The following ATXN1 variants were observed in gnomAD, a reference collection of about 807,000 sequenced individuals.
The protein encoded by ATXN1 is ataxin 1.
ATXN1 carries 8 observed loss-of-function variants against 56.4 expected under a neutral mutation model. The observed-to-expected ratio is 0.14, with a 90% CI of 0.08 to 0.26. The LOEUF (loss-of-function observed/expected upper bound fraction) is 0.26. Among genes scored for constraint, ATXN1 ranks in the 10% least tolerant of loss-of-function variants. ATXN1 has a pLI of 1.00. For missense variants in ATXN1, 987 were observed against 1,106.5 expected, an observed-to-expected ratio of 0.89 and a Z score of 1.53; for synonymous variants, 514 against 494.6, an observed-to-expected ratio of 1.04 and a Z score of -0.52.
chr6:16,352,775 T>G (rs1275799029), intron 6 of ATXN1, among the ~76,000 whole-genome samples: 1 of 152,200 alleles, frequency 6.6e-6, no homozygotes, highest in African/African-American at 2.4e-5. Context: ...CTATGTTTTT[T>G]TCCTATATAT....
In ATXN1 at chr6:16,717,378, A is replaced by G. The variant is rs1290492588; in HGVS notation, c.-615+35855T>C. 2.0e-5 allele frequency among the ~76,000 whole-genome samples: 3 copies of G among 152,218 alleles called. No individual in the cohort carries two copies. The East Asian group carries it at 5.8e-4, about 29-fold the overall frequency. Reference sequence around the variant, plus strand: ...CCTGAGATGAACAGAGAGGCAGGCTATGTTTGCTTGGTGCCACTTAACAGT... The same window carrying G: ...CCTGAGATGAACAGAGAGGCAGGCTGTGTTTGCTTGGTGCCACTTAACAGT... On this transcript the variant is annotated intron_variant, in intron 2 of 7. Coordinates refer to ENST00000436367, the MANE Select transcript of ATXN1 (RefSeq NM_001128164.2).
At chr6:16,441,306 C>T (rs1040221030) in intron 6 of ATXN1, among the ~76,000 whole-genome samples, 4 of 151,970 alleles carry the variant, frequency 2.6e-5, no homozygotes, top group Admixed American at 6.6e-5. Context: ...GCAGAGAAGA[C>T]GAAGCTAAGA....
intron 5 of ATXN1, among the ~76,000 whole-genome samples, chr6:16,513,094 G>A (rs1386715869): frequency 2.6e-5 from 4 of 152,216 alleles, no homozygotes; most frequent in African/African-American, 4.8e-5. Context: ...TTTGGGGCAC[G>A]CAGAATCCCT....
intron 4 of ATXN1, among the ~76,000 whole-genome samples, chr6:16,561,316 CA>C (rs1278283904): frequency 7.9e-5 from 12 of 152,230 alleles, no homozygotes; most frequent in African/African-American, 2.9e-4. Flanking sequence ...GTGCACTGAG[CA>C]ATGATAATAT....
In ATXN1 at chr6:16,450,908, G is replaced by A. The variant is rs6909736; in HGVS notation, c.-161+35064C>T. On this transcript the variant is annotated intron_variant, in intron 6 of 7. Coordinates refer to ENST00000436367, the MANE Select transcript of ATXN1 (RefSeq NM_001128164.2). Reference sequence around the variant, plus strand: ...CTCACTTTAGTGGTTATCTGTGAACGCACCTGATCCATGAGGATTAAAAGG... The same window carrying A: ...CTCACTTTAGTGGTTATCTGTGAACACACCTGATCCATGAGGATTAAAAGG... 4.4e-3 allele frequency among the ~76,000 whole-genome samples: 669 copies of A among 152,246 alleles called. 1 individual carries two copies. The highest frequency in any genetic ancestry group is 0.027 in the Middle Eastern group (8 of 294).
chr6:16,437,593 A>G (rs939096135), intron 6 of ATXN1, among the ~76,000 whole-genome samples: 1 of 152,254 alleles, frequency 6.6e-6, no homozygotes, highest in Admixed American at 6.5e-5. Context: ...TACAGAACTG[A>G]TAAGACTCCC....
chr6:16,390,680 T>TAACA, intron 6 of ATXN1, among the ~76,000 whole-genome samples: 1 of 147,158 alleles, frequency 6.8e-6, no homozygotes, highest in Non-Finnish European at 1.5e-5. Flanking sequence ...AATAAACACA[T>TAACA]CACACACACA....
At chr6:16,541,845 C>T (rs1056189767) in intron 4 of ATXN1, among the ~76,000 whole-genome samples, 16 of 152,112 alleles carry the variant, frequency 1.1e-4, no homozygotes, top group Admixed American at 5.9e-4. Flanking sequence ...GTCAAAGCTA[C>T]GCAGTGGCAC....
intron 5 of ATXN1, among the ~76,000 whole-genome samples, chr6:16,494,765 C>T (rs751037519): frequency 6.6e-6 from 1 of 152,196 alleles, no homozygotes; most frequent in African/African-American, 2.4e-5. Context: ...TGTAGAACGA[C>T]GTCTCAGGAA....
chr6:16,515,435 C>T (rs530078533), intron 5 of ATXN1, among the ~76,000 whole-genome samples: 1 of 152,160 alleles, frequency 6.6e-6, no homozygotes, highest in Non-Finnish European at 1.5e-5. Flanking sequence ...ACCCCCAAAC[C>T]ACAAACCAAC....
intron 2 of ATXN1, among the ~76,000 whole-genome samples, chr6:16,660,831 G>GTTT (rs1491535308): frequency 7.6e-6 from 1 of 131,196 alleles, no homozygotes; most frequent in African/African-American, 3.1e-5. Context: ...ATTTTGTTTT[G>GTTT]GTTTTTTTTT....
intron 4 of ATXN1, among the ~76,000 whole-genome samples, chr6:16,565,896 C>T (rs1371387882): frequency 6.6e-6 from 1 of 152,148 alleles, no homozygotes; most frequent in Non-Finnish European, 1.5e-5. Flanking sequence ...GAGGAAAGCA[C>T]ATCCGGCAAG....
At chr6:16,427,736 C>T (rs1759187421) in intron 6 of ATXN1, among the ~76,000 whole-genome samples, 1 of 152,204 alleles carries the variant, frequency 6.6e-6, no homozygotes, top group Non-Finnish European at 1.5e-5. Flanking sequence ...GGCTTTCATT[C>T]AGCTTCTATA....
chr6:16,694,270 AGAGAC>A (rs1759112386), intron 2 of ATXN1, among the ~76,000 whole-genome samples: 2 of 141,248 alleles, frequency 1.4e-5, no homozygotes, highest in Non-Finnish European at 3.0e-5. Context: ...TTTTTTTTTA[AGAGAC>A]GGAGTCTCGC....
intron 2 of ATXN1, among the ~76,000 whole-genome samples, chr6:16,704,333 C>G (rs1471323994): frequency 2.1e-5 from 3 of 146,024 alleles, no homozygotes; most frequent in Non-Finnish European, 4.5e-5. Flanking sequence ...AACCCCCTTT[C>G]CCCCCAAGAT....
At chr6:16,590,033 T>C (rs779913494) in intron 3 of ATXN1, among the ~76,000 whole-genome samples, 1 of 152,204 alleles carries the variant, frequency 6.6e-6, no homozygotes, top group Non-Finnish European at 1.5e-5. Context: ...ATTCAAGTGC[T>C]GTAAACATTG....
rs1198384674 is a variant in ATXN1 at position 16,692,695 on chromosome 6, C to T, written c.-614-34794G>A. 2.0e-5 allele frequency among the ~76,000 whole-genome samples: 3 copies of T among 152,140 alleles called. No homozygotes were observed. The East Asian group carries it at 5.8e-4, about 29-fold the overall frequency. On this transcript the variant is annotated intron_variant, in intron 2 of 7. Coordinates refer to ENST00000436367, the MANE Select transcript of ATXN1 (RefSeq NM_001128164.2). The stretch of plus-strand genomic sequence containing the variant: ...GCAACCACTTTCTAAAACATGAAGG[C>T]TAAGGAATAAGCAGTGTGCTGGGCA...
intron 6 of ATXN1, among the ~76,000 whole-genome samples, chr6:16,454,634 T>C (rs919011980): frequency 6.6e-6 from 1 of 152,246 alleles, no homozygotes; most frequent in African/African-American, 2.4e-5. Flanking sequence ...AATTGTATTA[T>C]ACAGAGACTG....
In ATXN1 at chr6:16,328,331, C is replaced by A; in HGVS notation, c.-21G>T. On this transcript the variant is annotated 5_prime_UTR_variant, in exon 7 of 8. Transcript: ENST00000436367. This position sits in a 1 kb window ranked among gnomAD's most constrained non-coding sequence, Gnocchi z 6.2. ...TTCATTTTTCGCCGTCCCCCCTCCA[C>A]GGTGACTGTTTCACTGTCTGGATGG... is the stretch of plus-strand genomic sequence containing the variant. 3.3e-6 allele frequency: 5 copies of A among 1,494,874 alleles called. No homozygotes were observed. Among genetic ancestry groups the A allele is most frequent in the Non-Finnish European group, 4.4e-6 (5 of 1,128,278 alleles). 92.6% of individuals were successfully genotyped at this position (1,494,874 alleles called of 1,614,324 possible).
Sources: allele counts gnomAD v4.1 joint callset (sites outside exome capture counted in the v4.1 genomes callset), GRCh38; gene constraint gnomAD v4.1.1; non-coding constraint Gnocchi (gnomAD v3.1); transcripts MANE v1.5; gene names NCBI Gene and HGNC (gene_info 2026-07-23, HGNC 2026-07-21).